Variants in TPX2 observed in about 807,000 individuals in gnomAD.
TPX2 encodes the protein TPX2 microtubule nucleation factor.
A neutral mutation model predicts 93.6 loss-of-function variants in TPX2; 21 were observed. That is an observed-to-expected ratio of 0.22 (90% confidence interval 0.16 to 0.32). The LOEUF (loss-of-function observed/expected upper bound fraction) is 0.32. Among genes scored for constraint, TPX2 ranks in the 10% least tolerant of loss-of-function variants. TPX2 has a pLI of 1.00. For missense variants in TPX2, 776 were observed against 871.1 expected (o/e 0.89, Z 1.37); for synonymous variants, 281 against 298.3 (o/e 0.94, Z 0.60).
At chr20:31,750,443 C>T (rs567905681) in intron 2 of TPX2, among the ~76,000 whole-genome samples, 26 of 150,432 alleles carry the variant, frequency 1.7e-4, no homozygotes, top group Non-Finnish European at 3.1e-4. Flanking sequence ...TGTGAGCCAC[C>T]GTGCCCGGCT....
At chr20:31,797,568 G>A (rs769719826) in intron 16 of TPX2, 53 bp downstream of exon 16, 216 of 1,493,824 alleles carry the variant, frequency 1.4e-4, no homozygotes, top group Admixed American at 2.0e-4. Flanking sequence ...AGACTTCCCA[G>A]TGGGATGCTG....
At chr20:31,787,962 T>A (rs889625182) in intron 12 of TPX2, among the ~76,000 whole-genome samples, 2 of 151,930 alleles carry the variant, frequency 1.3e-5, no homozygotes, top group African/African-American at 4.8e-5. Context: ...GTGAGGGAGG[T>A]ATGTACCTTT....
chr20:31,766,732 GATAGTTA>G, intron 5 of TPX2, 50 bp downstream of exon 5: 1 of 1,580,670 alleles, frequency 6.3e-7, no homozygotes, highest in Non-Finnish European at 8.6e-7. Flanking sequence ...ATGTTCAAAG[GATAGTTA>G]CTGGACAGAA....
chr20:31,800,871 A>G (rs1292578934), intron 17 of TPX2, 99 bp from the exon 18 acceptor site: 2 of 1,026,534 alleles, frequency 1.9e-6, no homozygotes, highest in East Asian at 2.4e-5. Context: ...GGGACCTGTA[A>G]AACTCTACAA....
At chr20:31,784,887 G>A (rs1478287892) in intron 12 of TPX2, among the ~76,000 whole-genome samples, 2 of 152,164 alleles carry the variant, frequency 1.3e-5, no homozygotes, top group African/African-American at 2.4e-5. Flanking sequence ...CTCACCCGCC[G>A]CCACTGGTTT....
chr20:31,785,500 T>C (rs991246732), intron 12 of TPX2, among the ~76,000 whole-genome samples: 4 of 152,110 alleles, frequency 2.6e-5, no homozygotes, highest in Non-Finnish European at 4.4e-5. Flanking sequence ...GTTTTTTGTT[T>C]TGTTTTTTTT....
At chr20:31,755,590 C>T (rs1332281787) in intron 2 of TPX2, among the ~76,000 whole-genome samples, 1 of 151,670 alleles carries the variant, frequency 6.6e-6, no homozygotes, top group East Asian at 2.0e-4. Flanking sequence ...ATGGTGAAAT[C>T]CCGTCTCTAC....
chr20:31,789,004 C>T (rs1170307373), intron 12 of TPX2, among the ~76,000 whole-genome samples: 1 of 152,134 alleles, frequency 6.6e-6, no homozygotes, highest in Non-Finnish European at 1.5e-5. Flanking sequence ...GTATTCACCT[C>T]CCCATTCCCA....
chr20:31,798,268 G>GT, intron 16 of TPX2, 97 bp from the exon 17 acceptor site: 1 of 1,430,908 alleles, frequency 7.0e-7, no homozygotes, highest in Admixed American at 1.7e-5. Flanking sequence ...CAGTCTTCCT[G>GT]TTAGTGTGCA....
At chr20:31,753,938 A>G (rs1362622679) in intron 2 of TPX2, among the ~76,000 whole-genome samples, 1 of 152,024 alleles carries the variant, frequency 6.6e-6, no homozygotes, top group Non-Finnish European at 1.5e-5. Flanking sequence ...AGGGAAGAGA[A>G]TCGCTTGAAC....
intron 7 of TPX2, among the ~76,000 whole-genome samples, chr20:31,773,824 T>C (rs993282962): frequency 2.0e-5 from 3 of 152,158 alleles, no homozygotes; most frequent in Non-Finnish European, 4.4e-5. Flanking sequence ...AATTAACATA[T>C]CTGTCACCTC....
intron 15 of TPX2, 34 bp downstream of exon 15, chr20:31,794,582 T>C: frequency 1.2e-6 from 2 of 1,608,486 alleles, no homozygotes; most frequent in South Asian, 2.2e-5. Context: ...AAATGTTAAT[T>C]GCTTGGTTGG....
chr20:31,792,370 A>G (rs550156360), intron 12 of TPX2, among the ~76,000 whole-genome samples: 2 of 152,292 alleles, frequency 1.3e-5, no homozygotes, highest in Non-Finnish European at 2.9e-5. Flanking sequence ...AAACAAACAA[A>G]CAAATAAAAG....
intron 9 of TPX2, among the ~76,000 whole-genome samples, 166 bp from the exon 10 acceptor site, chr20:31,778,647 G>A (rs2062016479): frequency 1.3e-5 from 2 of 151,990 alleles, no homozygotes; most frequent in South Asian, 4.1e-4. Context: ...TTTTTAATGA[G>A]AACAGATTAG....
intron 3 of TPX2, among the ~76,000 whole-genome samples, chr20:31,759,396 GTT>G (rs35468756): frequency 4.0e-5 from 4 of 100,412 alleles, no homozygotes; most frequent in Admixed American, 2.1e-4. Context: ...GTTTTCTTTC[GTT>G]TTTTTTTTTT....
intron 2 of TPX2, among the ~76,000 whole-genome samples, chr20:31,743,927 G>T (rs1302437688): frequency 6.6e-6 from 1 of 151,340 alleles, no homozygotes; most frequent in Non-Finnish European, 1.5e-5. Context: ...CTCCATGTTG[G>T]TCAGGCTGGT....
chr20:31,800,913 A>G, intron 17 of TPX2, 57 bp from the exon 18 acceptor site: 1 of 1,357,862 alleles, frequency 7.4e-7, no homozygotes, highest in Non-Finnish European at 1.0e-6. Flanking sequence ...AATAAAAGCA[A>G]TTATAAGCGT....
chr20:31,793,881 C>T lies in TPX2; in HGVS notation c.1543C>T (p.Pro515Ser). The change falls in exon 14 of 18, where the codon CCT (proline) becomes TCT (serine). Residue 515 changes from proline to serine, a missense_variant. By Grantham distance (74) the Pro-to-Ser change is moderately conservative (BLOSUM62 -1). Transcript: ENST00000300403. ...CGAACCGGTAGTGATAAAAGCTCAA[C>T]CTGTGCCACATTATGGGGTGCCTTT... is the stretch of plus-strand genomic sequence containing the variant. ...EDEPVVIKAQ[P>S]VPHYGVPFKP... 1 of 1,611,188 alleles carries T rather than the reference C, an allele frequency of 6.2e-7. No homozygotes were observed. The highest frequency in any genetic ancestry group is 8.5e-7 in the Non-Finnish European group (1 of 1,178,806).
chr20:31,783,980 C>A, intron 12 of TPX2, 59 bp downstream of exon 12: 1 of 1,565,218 alleles, frequency 6.4e-7, no homozygotes, highest in Non-Finnish European at 8.8e-7. Flanking sequence ...GATATCCACC[C>A]ATTCACACAA....
Sources: gnomAD v4.1 joint callset for allele counts (sites outside exome capture counted in the v4.1 genomes callset) on GRCh38, gnomAD v4.1.1 for gene constraint, MANE v1.5 for transcripts, NCBI Gene and HGNC (gene_info 2026-07-23, HGNC 2026-07-21) for gene names.